The following ACSBG2 variants were observed in gnomAD, a reference collection of about 807,000 sequenced individuals.
ACSBG2 encodes acyl-CoA synthetase bubblegum family member 2, also known as long-chain-fatty-acid--CoA ligase ACSBG2.
ACSBG2 carries 62 observed loss-of-function variants against 74.7 expected under a neutral mutation model. The observed-to-expected ratio is 0.83, with a 90% CI of 0.68 to 1.03. The LOEUF (loss-of-function observed/expected upper bound fraction) is 1.03, where lower values mean the gene tolerates loss of function less well. ACSBG2 is among the 50% of genes least tolerant of loss of function. ACSBG2 has a pLI of 0.00. For missense variants in ACSBG2, 730 were observed against 817.6 expected (o/e 0.89, Z 1.31); for synonymous variants, 309 against 294.1 (o/e 1.05, Z -0.52).
chr19:6,153,732 C>T (rs1461905458), intron 4 of ACSBG2, among the ~76,000 whole-genome samples: 1 of 151,980 alleles, frequency 6.6e-6, no homozygotes, highest in Non-Finnish European at 1.5e-5. Flanking sequence ...CCTGTAGTCC[C>T]AACTACTTGG....
At position 6,180,386 on chromosome 19, in the gene ACSBG2, T is replaced by C. The variant is rs115870834; in HGVS notation, c.907-2365T>C. ...GTTCTTTGCAGGGCTGACTCTTCTT[T>C]GTCACTTAGCTCTCTGCTAAATATT... On this transcript the variant is annotated intron_variant, in intron 8 of 14. Coordinates refer to ENST00000588485, the MANE Select transcript of ACSBG2 (RefSeq NM_030924.5). This position sits in a 1 kb window ranked among gnomAD's most constrained non-coding sequence, Gnocchi z 4.3. Among the ~76,000 whole-genome samples the C allele has an allele frequency of 0.013, 2,040 of 152,338 alleles. 32 individuals are homozygous for C. The highest frequency in any genetic ancestry group is 0.046 in the African/African-American group (1,914 of 41,576).
intron 5 of ACSBG2, among the ~76,000 whole-genome samples, chr19:6,159,992 G>A (rs2089552021): frequency 6.6e-6 from 1 of 152,138 alleles, no homozygotes; most frequent in Non-Finnish European, 1.5e-5. Context: ...CAGAGGCGTG[G>A]TTATGATTAG....
chr19:6,143,685 G>T (rs1312743903), intron 2 of ACSBG2, among the ~76,000 whole-genome samples: 1 of 152,096 alleles, frequency 6.6e-6, no homozygotes, highest in Non-Finnish European at 1.5e-5. Context: ...GGTCAGGAAG[G>T]CATGATAAGG....
chr19:6,146,911 A>G (rs1471945727), intron 2 of ACSBG2, among the ~76,000 whole-genome samples: 5 of 152,154 alleles, frequency 3.3e-5, no homozygotes, highest in Non-Finnish European at 7.3e-5. Flanking sequence ...AGCCTCGGAA[A>G]CACAGTAGAA....
intron 11 of ACSBG2, 88 bp downstream of exon 11, chr19:6,185,741 C>A: frequency 7.3e-6 from 10 of 1,372,260 alleles, no homozygotes; most frequent in Non-Finnish European, 1.0e-5. Context: ...CGAAGGCCAC[C>A]CCCAGTTCCT....
At chr19:6,182,219 A>C (rs2090280229) in intron 8 of ACSBG2, among the ~76,000 whole-genome samples, 1 of 152,240 alleles carries the variant, frequency 6.6e-6, no homozygotes, top group South Asian at 2.1e-4. Flanking sequence ...TTAAAAAAAA[A>C]AAAACTTGCC....
chr19:6,149,976 C>T (rs914588467), intron 3 of ACSBG2, among the ~76,000 whole-genome samples: 4 of 151,834 alleles, frequency 2.6e-5, no homozygotes, highest in East Asian at 1.9e-4. Context: ...GGAGCAGGCC[C>T]ATAGTCCCAG....
intron 3 of ACSBG2, among the ~76,000 whole-genome samples, chr19:6,151,126 A>AG (rs2089226177): frequency 1.3e-5 from 2 of 152,022 alleles, no homozygotes; most frequent in East Asian, 1.9e-4. Context: ...AAAAAAAAAA[A>AG]AAAGAAAATG....
chr19:6,156,598 T>A, intron 5 of ACSBG2, 47 bp downstream of exon 5: 1 of 1,486,558 alleles, frequency 6.7e-7, no homozygotes, highest in Non-Finnish European at 8.9e-7. Flanking sequence ...CAGGGGTACC[T>A]CAGGGCTCTG....
At chr19:6,145,632 C>T (rs1019733395) in intron 2 of ACSBG2, among the ~76,000 whole-genome samples, 8 of 152,134 alleles carry the variant, frequency 5.3e-5, no homozygotes, top group Non-Finnish European at 7.4e-5. Context: ...TAGTGAGAAA[C>T]ACACAACAAA....
chr19:6,185,376 A>T, intron 10 of ACSBG2, 60 bp from the exon 11 acceptor site: 1 of 1,567,938 alleles, frequency 6.4e-7, no homozygotes, highest in East Asian at 2.2e-5. Flanking sequence ...AGATCCAGGC[A>T]GAGCTGGGTG....
In ACSBG2 at chr19:6,174,015, C is replaced by A. The variant is rs1023451731; in HGVS notation, c.739-3214C>A. On this transcript the variant is annotated intron_variant, in intron 7 of 14. Coordinates refer to ENST00000588485, the MANE Select transcript of ACSBG2 (RefSeq NM_030924.5). This position sits in a 1 kb window ranked among gnomAD's most constrained non-coding sequence, Gnocchi z 4.2. ...GCAGTGGCACAATCTCGACTCACTG[C>A]AACCTCTGCCTCCCAATTTCAAGCG... Among the ~76,000 whole-genome samples the A allele has an allele frequency of 6.6e-6, 1 of 151,408 alleles. No homozygotes were observed. Among genetic ancestry groups the A allele is most frequent in the Non-Finnish European group, 1.5e-5 (1 of 67,956 alleles).
intron 1 of ACSBG2, among the ~76,000 whole-genome samples, chr19:6,137,021 C>A (rs1413823320): frequency 6.6e-6 from 1 of 152,172 alleles, no homozygotes; most frequent in African/African-American, 2.4e-5. Flanking sequence ...TCATAAAACA[C>A]TGGGTTGTTT....
rs188155064 is a variant in ACSBG2, at chr19:6,161,244, A to G, written c.537A>G (p.Lys179=). Residue 179 remains lysine, a synonymous_variant, in exon 6 of 15, where the codon AAA becomes AAG. Coordinates refer to ENST00000588485, the MANE Select transcript of ACSBG2 (RefSeq NM_030924.5). The part of the protein sequence containing the change: ...SIPQSSLEPL[K]AIIQYRLPMK... Reference sequence around the variant, plus strand: ...CACAGAGCAGCCTAGAGCCCCTAAAAGCGATCATCCAGTACAGACTGCCAA... The same window carrying G: ...CACAGAGCAGCCTAGAGCCCCTAAAGGCGATCATCCAGTACAGACTGCCAA... The G allele has an allele frequency of 3.7e-6, 6 of 1,613,722 alleles. No individual in the cohort carries two copies. The highest frequency in any genetic ancestry group is 4.2e-6 in the Non-Finnish European group (5 of 1,179,688).
In ACSBG2 at chr19:6,187,821, T is replaced by A. The variant is rs2090454262; in HGVS notation, c.1903T>A (p.Phe635Ile). 1.9e-6 allele frequency: 3 copies of A among 1,614,188 alleles called. No individual in the cohort carries two copies. The highest frequency in any genetic ancestry group is 2.5e-6 in the Non-Finnish European group (3 of 1,180,034). ...AAAGTGGGTCATCTTGGAGAAGGAC[T>A]TTTCCATCTATGGTGGAGAGCTAGG... The part of the protein sequence containing the change: ...IEKWVILEKD[F>I]SIYGGELGPM... The change falls in exon 13 of 15, where the codon TTT (phenylalanine) becomes ATT (isoleucine). Residue 635 changes from phenylalanine to isoleucine, a missense_variant. Transcript: ENST00000588485.
intron 5 of ACSBG2, among the ~76,000 whole-genome samples, chr19:6,158,546 G>A (rs188876263): frequency 5.5e-4 from 83 of 152,106 alleles, no homozygotes; most frequent in Middle Eastern, 3.4e-3. Flanking sequence ...CTTTTGGCAG[G>A]AGGGTCCTGG....
chr19:6,171,953 A>G lies in ACSBG2; in HGVS notation c.739-5276A>G, dbSNP rs188791379. 4.2e-3 allele frequency among the ~76,000 whole-genome samples: 632 copies of G among 152,232 alleles called. 1 individual carries two copies. Among genetic ancestry groups the G allele is most frequent in the Middle Eastern group, 0.027 (8 of 294 alleles). ...TTTTGTCTGAGTTGTTTGAAAGACC[A>G]TTCTTCAAGCTCTGAAATTCTTTCT... On this transcript the variant is annotated intron_variant, in intron 7 of 14. Coordinates refer to ENST00000588485, the MANE Select transcript of ACSBG2 (RefSeq NM_030924.5).
At position 6,149,781 on chromosome 19, in the gene ACSBG2, T is replaced by G. The variant is rs565627177; in HGVS notation, c.298-1926T>G. On this transcript the variant is annotated intron_variant, in intron 3 of 14. Transcript: ENST00000588485. The stretch of plus-strand genomic sequence containing the variant: ...CCTTGGCCTCCCAAAGTGCTGGGAT[T>G]ACAGGTGTGAGCCACCACACCTGGC... Among the ~76,000 whole-genome samples, 45 of 144,352 alleles carry G rather than the reference T, an allele frequency of 3.1e-4. No individual in the cohort carries two copies. The South Asian group carries it at 8.4e-3, about 27-fold the overall frequency. The allele number at this position is 144,352 out of a possible 152,430, so 94.7% of individuals were successfully genotyped here. A position where few individuals can be genotyped will look rare whatever the true frequency, so the allele number is the denominator to read the frequency against.
At chr19:6,181,809 A>ACCCC (rs1487682988) in intron 8 of ACSBG2, among the ~76,000 whole-genome samples, 1 of 28,352 alleles carries the variant, frequency 3.5e-5, no homozygotes, top group African/African-American at 1.3e-4. Context: ...AATAGTCCCC[A>ACCCC]CCCGCCCCCC....
Sources: allele counts gnomAD v4.1 joint callset (sites outside exome capture counted in the v4.1 genomes callset), GRCh38; gene constraint gnomAD v4.1.1; non-coding constraint Gnocchi (gnomAD v3.1); transcripts MANE v1.5; gene names NCBI Gene and HGNC (gene_info 2026-07-23, HGNC 2026-07-21).